Variants in MAP4K3 observed in about 807,000 individuals in gnomAD.
MAP4K3 encodes mitogen-activated protein kinase kinase kinase kinase 3.
In MAP4K3, 94 loss-of-function variants were observed where a neutral mutation model predicts 143.5. The observed-to-expected ratio is 0.65, with a 90% CI of 0.55 to 0.78. The LOEUF is 0.78. Ranked by LOEUF, MAP4K3 falls within the 30% of genes least tolerant of loss-of-function variation. The probability of loss-of-function intolerance (pLI) is 0.00; values close to 1 mark genes in which losing one functional copy is unlikely to be tolerated. For missense variants in MAP4K3, 1,077 were observed against 1,068.1 expected (o/e 1.01, Z -0.12); for synonymous variants, 416 against 347.2 (o/e 1.20, Z -2.20).
At chr2:39,342,607 T>C (rs1665175713) in intron 4 of MAP4K3, among the ~76,000 whole-genome samples, 1 of 152,164 alleles carries the variant, frequency 6.6e-6, no homozygotes, top group Non-Finnish European at 1.5e-5. Context: ...GTAAAACCTA[T>C]GCCAAGAAGA....
chr2:39,418,704 T>C (rs897141988), intron 1 of MAP4K3, among the ~76,000 whole-genome samples: 1 of 151,650 alleles, frequency 6.6e-6, no homozygotes, highest in Non-Finnish European at 1.5e-5. Context: ...CTCCCTAGAA[T>C]CTATAACCGC....
At chr2:39,332,562 T>C (rs1419542719) in intron 7 of MAP4K3, among the ~76,000 whole-genome samples, 2 of 152,066 alleles carry the variant, frequency 1.3e-5, no homozygotes, top group East Asian at 3.8e-4. Flanking sequence ...TTTGGAGATC[T>C]AATATTTTCT....
At chr2:39,289,282 T>C (rs1219269590) in intron 19 of MAP4K3, among the ~76,000 whole-genome samples, 1 of 152,296 alleles carries the variant, frequency 6.6e-6, no homozygotes, top group East Asian at 1.9e-4. Context: ...TACAGCATTA[T>C]TTACTTGCAT....
At chr2:39,313,916 GGACT>G (rs2148503764) in intron 13 of MAP4K3, among the ~76,000 whole-genome samples, 1 of 152,172 alleles carries the variant, frequency 6.6e-6, no homozygotes, top group South Asian at 2.1e-4. Flanking sequence ...TGCTATAAAG[GGACT>G]GACAATGTAA....
At chr2:39,404,531 C>T (rs10181650) in intron 1 of MAP4K3, among the ~76,000 whole-genome samples, 145,277 of 151,718 alleles carry the variant, frequency 0.96, 69,894 homozygotes, top group East Asian at 1. Flanking sequence ...AAAGACCACG[C>T]TTCATGGTTT....
chr2:39,268,573 G>A (rs1383323331), intron 26 of MAP4K3, among the ~76,000 whole-genome samples: 3 of 150,278 alleles, frequency 2.0e-5, no homozygotes, highest in South Asian at 2.1e-4. Context: ...CGTCCGCCTC[G>A]GACTCCCAAA....
intron 1 of MAP4K3, among the ~76,000 whole-genome samples, chr2:39,434,251 A>T (rs1327689372): frequency 1.3e-5 from 2 of 152,256 alleles, no homozygotes; most frequent in African/African-American, 2.4e-5. Context: ...TAGCACAATT[A>T]ATTTGTATAA....
chr2:39,274,065 T>C (rs576892059), intron 24 of MAP4K3, among the ~76,000 whole-genome samples: 20 of 152,308 alleles, frequency 1.3e-4, no homozygotes, highest in African/African-American at 4.3e-4. Context: ...TACTTCCAAA[T>C]GTAAGTAGGT....
intron 21 of MAP4K3, among the ~76,000 whole-genome samples, chr2:39,283,157 G>C (rs1172575553): frequency 2.6e-5 from 4 of 152,244 alleles, no homozygotes; most frequent in Middle Eastern, 3.4e-3. Flanking sequence ...GTATACCGCA[G>C]TATGGGTATA....
intron 13 of MAP4K3, among the ~76,000 whole-genome samples, chr2:39,314,615 TA>T (rs1683052839): frequency 6.6e-6 from 1 of 152,176 alleles, no homozygotes; most frequent in Admixed American, 6.5e-5. Context: ...ACTCAGAGAA[TA>T]AATGCTTCTA....
Position 39,280,272 on chromosome 2 carries a change from C to T in MAP4K3, c.1714G>A (p.Asp572Asn), listed in dbSNP as rs1225767724. The T allele has an allele frequency of 1.3e-6, 2 of 1,550,514 alleles. No individual in the cohort carries two copies. Among genetic ancestry groups the T allele is most frequent in the Non-Finnish European group, 1.8e-6 (2 of 1,138,644 alleles). Residue 572 changes from aspartate to asparagine, a missense_variant and splice_region_variant, in exon 23 of 34, where the codon GAT (aspartate) becomes AAT (asparagine). This residue lies in a region of MAP4K3 where 864 missense variants were observed against 801.2 expected (regional missense o/e 1.08). Transcript: ENST00000263881. ...AACAGATAAAAACACACAATACTAC[C>T]TCTTGTATCTGGGTTTATCCATGAT... is the stretch of plus-strand genomic sequence containing the variant. ...ASSWINPDTR[D>N]QYLIFGAEEG...
At chr2:39,408,216 G>A (rs777907486) in intron 1 of MAP4K3, among the ~76,000 whole-genome samples, 1 of 152,198 alleles carries the variant, frequency 6.6e-6, no homozygotes, top group Non-Finnish European at 1.5e-5. Flanking sequence ...AAGTCAGGAA[G>A]TACCTTCTCA....
chr2:39,255,968 T>C (rs773226868), intron 31 of MAP4K3, among the ~76,000 whole-genome samples: 1 of 152,240 alleles, frequency 6.6e-6, no homozygotes, highest in Non-Finnish European at 1.5e-5. Flanking sequence ...GGACATGATG[T>C]AGTTCTTCAC....
At chr2:39,325,005 C>CG (rs1332453700) in intron 12 of MAP4K3, among the ~76,000 whole-genome samples, 1 of 151,850 alleles carries the variant, frequency 6.6e-6, no homozygotes, top group African/African-American at 2.4e-5. Context: ...AAGATAGAAA[C>CG]GGGGTCTTGC....
intron 12 of MAP4K3, among the ~76,000 whole-genome samples, chr2:39,318,443 A>T (rs1362961269): frequency 6.6e-6 from 1 of 152,170 alleles, no homozygotes; most frequent in Non-Finnish European, 1.5e-5. Flanking sequence ...ATCACTAATA[A>T]AAATGGTAAG....
intron 21 of MAP4K3, among the ~76,000 whole-genome samples, chr2:39,284,457 G>T (rs539451941): frequency 6.6e-6 from 1 of 151,960 alleles, no homozygotes. Context: ...CACTGTGCCC[G>T]GCCTAGCAAA....
At chr2:39,367,138 G>C (rs79982938) in intron 2 of MAP4K3, among the ~76,000 whole-genome samples, 6,660 of 152,248 alleles carry the variant, frequency 0.044, 162 homozygotes, top group South Asian at 0.054. Context: ...AAGTGTTCTT[G>C]ATTAATGTTT....
chr2:39,269,105 T>A (rs963186314), intron 26 of MAP4K3, among the ~76,000 whole-genome samples: 45 of 70,270 alleles, frequency 6.4e-4, no homozygotes, highest in African/African-American at 1.7e-3. Flanking sequence ...CAGTGCTCTG[T>A]ACAAGTCTTT....
rs759097093 is a variant in MAP4K3 at position 39,299,764 on chromosome 2, C to A, written c.1157G>T (p.Gly386Val). The A allele has an allele frequency of 1.0e-5, 16 of 1,574,772 alleles. No individual in the cohort carries two copies. The highest frequency in any genetic ancestry group is 1.9e-5 in the Admixed American group (1 of 53,702). The stretch of plus-strand genomic sequence containing the variant: ...TTACTTGTTTGCACCTAAAAAGTAA[C>A]CACCTTGGTGTCCTTGTCCATATTC... ...QLEYGQGHQG[G>V]YFLGANKSLL... Residue 386 changes from glycine (G) to valine (V), a missense_variant, in exon 16 of 34, where the codon GGT (glycine) becomes GTT (valine). Transcript: ENST00000263881.
Sources: allele counts gnomAD v4.1 joint callset (sites outside exome capture counted in the v4.1 genomes callset), GRCh38; gene constraint gnomAD v4.1.1; regional missense constraint gnomAD v4.1.1; transcripts MANE v1.5; gene names NCBI Gene and HGNC (gene_info 2026-07-23, HGNC 2026-07-21).